The following CUL9 variants were observed in gnomAD, a reference collection of about 807,000 sequenced individuals.
The protein encoded by CUL9 is cullin 9.
CUL9 carries 79 observed loss-of-function variants against 272.6 expected under a neutral mutation model. The ratio of observed to expected loss-of-function variants is 0.29; its 90% CI spans 0.24 to 0.35. The LOEUF (loss-of-function observed/expected upper bound fraction) is 0.35. Ranked by LOEUF, CUL9 falls within the 10% of genes least tolerant of loss-of-function variation. The pLI is 1.00. For synonymous variants in CUL9, 1,186 were observed against 1,286.5 expected (o/e 0.92, Z 1.67); for missense variants, 2,532 against 3,255.6 (o/e 0.78, Z 5.41).
Position 43,187,342 on chromosome 6 carries a change from C to T in CUL9, c.1484C>T (p.Thr495Ile), listed in dbSNP as rs1773027916. Residue 495 changes from threonine to isoleucine, a missense_variant, in exon 6 of 41, where the codon ACC becomes ATC. Transcript: ENST00000252050. ...PQKNERVGYL[T>I]QAEWWELLFF... ...AAGAATGAGAGAGTGGGATATCTGA[C>T]CCAGGCTGAATGGTGGGAGCTGCTT... is the stretch of plus-strand genomic sequence containing the variant. The T allele has an allele frequency of 6.2e-7, 1 of 1,613,956 alleles. No homozygotes were observed. The highest frequency in any genetic ancestry group is 1.7e-5 in the Admixed American group (1 of 59,990).
chr6:43,200,745 G>A lies in CUL9; in HGVS notation c.3558G>A (p.Thr1186=), dbSNP rs779410353. 8 of 1,614,072 alleles carry A rather than the reference G, an allele frequency of 5.0e-6. No individual in the cohort carries two copies. Among genetic ancestry groups the A allele is most frequent in the East Asian group, 2.2e-5 (1 of 44,900 alleles). The change falls in exon 16 of 41, where the codon ACG becomes ACA. Residue 1186 remains threonine (T), a synonymous_variant. Transcript: ENST00000252050. The surrounding 1 kb of genome is among the most constrained non-coding windows in gnomAD (Gnocchi z 4.0). ...SSNPHRASKL[T]DHNPKTYWES... ...ACCCGCACCGAGCCAGCAAGCTGAC[G>A]GACCACAACCCCAAGACCTACTGGG... is the stretch of plus-strand genomic sequence containing the variant.
intron 16 of CUL9, 148 bp from the exon 17 acceptor site, chr6:43,202,568 G>A (rs1774690179): frequency 4.6e-6 from 3 of 646,874 alleles, no homozygotes; most frequent in Non-Finnish European, 8.3e-6. Flanking sequence ...TTATTTCGTA[G>A]AGGTGGGGTC....
intron 1 of CUL9, among the ~76,000 whole-genome samples, chr6:43,183,642 G>C (rs1425124693): frequency 1.3e-5 from 2 of 152,104 alleles, no homozygotes. Flanking sequence ...CTGTCACTCT[G>C]TTTATTGTTA....
In CUL9 at chr6:43,188,001, G is replaced by A. The variant is rs755530932; in HGVS notation, c.1870G>A (p.Glu624Lys). 1.1e-5 allele frequency: 17 copies of A among 1,613,686 alleles called. No homozygotes were observed. Among genetic ancestry groups the A allele is most frequent in the East Asian group, 2.2e-5 (1 of 44,892 alleles). Residue 624 changes from glutamate (E) to lysine (K), a missense_variant, in exon 7 of 41, where the codon GAG becomes AAG. Coordinates refer to ENST00000252050, the MANE Select transcript of CUL9 (RefSeq NM_015089.4). ...AKAEAPKTEAEPTKTRTETPM... is the reference protein window; with the variant it reads ...AKAEAPKTEAKPTKTRTETPM... ...GGCCGAGGCCCCTAAGACAGAGGCC[G>A]AGCCCACCAAGACAAGGACCGAGAC... is the stretch of plus-strand genomic sequence containing the variant.
Position 43,206,472 on chromosome 6 carries a change from G to T in CUL9, c.5174G>T (p.Cys1725Phe). 6.2e-7 allele frequency: 1 copy of T among 1,614,228 alleles called. No homozygotes were observed. Among genetic ancestry groups the T allele is most frequent in the Non-Finnish European group, 8.5e-7 (1 of 1,180,048 alleles). The change falls in exon 26 of 41, where the codon TGT becomes TTT. Residue 1725 changes from cysteine (C) to phenylalanine (F), a missense_variant. Around this residue, in one of 3 missense-constraint regions of CUL9, gnomAD observed 2,218 missense variants for 2,788.6 expected, o/e 0.80. Transcript: ENST00000252050. The surrounding 1 kb of genome is among the most constrained non-coding windows in gnomAD (Gnocchi z 4.8). ...HPRKCLPTEF[C>F]DALDRFSSFY... ...AGAAAGTGCCTTCCCACAGAATTCT[G>T]TGATGCCCTTGACCGTTTCTCCAGT...
At chr6:43,205,692 G>A (rs1300620449) in intron 24 of CUL9, among the ~76,000 whole-genome samples, 2 of 152,082 alleles carry the variant, frequency 1.3e-5, no homozygotes, top group Non-Finnish European at 2.9e-5. Flanking sequence ...GTGGTGGCGT[G>A]GTGGCAGGCA....
At chr6:43,195,708 C>T (rs1773935475) in intron 9 of CUL9, among the ~76,000 whole-genome samples, 1 of 152,126 alleles carries the variant, frequency 6.6e-6, no homozygotes, top group Admixed American at 6.5e-5. Context: ...CTGAAGACAA[C>T]TAGATGCTGC....
At chr6:43,182,856 A>T (rs910430102) in intron 1 of CUL9, among the ~76,000 whole-genome samples, 2 of 151,958 alleles carry the variant, frequency 1.3e-5, no homozygotes, top group African/African-American at 2.4e-5. Flanking sequence ...GCTTCATATC[A>T]CGCATATCTT....
intron 7 of CUL9, 93 bp downstream of exon 7, chr6:43,188,211 G>A (rs1261998955): frequency 6.8e-7 from 1 of 1,463,070 alleles, no homozygotes; most frequent in Admixed American, 2.1e-5. Flanking sequence ...AAGCCATGGA[G>A]GAAGGTGATT....
rs1369554847 is a variant in CUL9 at position 43,216,485 on chromosome 6, C to T, written c.6264C>T (p.Cys2088=). 6.3e-7 allele frequency: 1 copy of T among 1,596,716 alleles called. No homozygotes were observed. Among genetic ancestry groups the T allele is most frequent in the Non-Finnish European group, 8.6e-7 (1 of 1,166,618 alleles). Reference sequence around the variant, plus strand: ...ACGACGACCTGCCCTCTCTCTGCTGCATGCACTATTGCTGTAAGGTGAGGC... The same window carrying T: ...ACGACGACCTGCCCTCTCTCTGCTGTATGCACTATTGCTGTAAGGTGAGGC... ...GCDDDLPSLC[C]MHYCCKSCWN... The change falls in exon 31 of 41, where the codon TGC becomes TGT. Residue 2088 remains cysteine (C), a synonymous_variant. Transcript: ENST00000252050.
intron 8 of CUL9, among the ~76,000 whole-genome samples, chr6:43,192,331 A>G (rs1198270300): frequency 6.6e-6 from 1 of 152,112 alleles, no homozygotes; most frequent in African/African-American, 2.4e-5. Context: ...TACAGGCATG[A>G]GCTGCTGCAC....
Position 43,213,210 on chromosome 6 carries a change from C to T in CUL9, c.5274C>T (p.Gly1758=). Residue 1758 remains glycine, a synonymous_variant, in exon 27 of 41, where the codon GGC becomes GGT. Transcript: ENST00000252050. This position sits in a 1 kb window ranked among gnomAD's most constrained non-coding sequence, Gnocchi z 5.7. ...GGCGACTGCAGTGGACGTGGCTGGGCCGGGCTGAGCTGCAGTTTGGGAAGC... is the reference window on the plus strand; with the variant it reads ...GGCGACTGCAGTGGACGTGGCTGGGTCGGGCTGAGCTGCAGTTTGGGAAGC... The part of the protein sequence containing the change: ...PHRRLQWTWL[G]RAELQFGKQI... The T allele has an allele frequency of 1.9e-6, 3 of 1,614,154 alleles. No homozygotes were observed. The highest frequency in any genetic ancestry group is 2.5e-6 in the Non-Finnish European group (3 of 1,180,022).
At position 43,221,907 on chromosome 6, in the gene CUL9, G is replaced by A. The variant is rs45448395; in HGVS notation, c.6846+129G>A. The A allele has an allele frequency of 0.084, 66,967 of 801,242 alleles. 3,266 individuals carry two copies. Among genetic ancestry groups the A allele is most frequent in the Admixed American group, 0.098 (3,663 of 37,240 alleles). The allele number at this position is 801,242 out of a possible 1,614,324, so 49.6% of individuals were successfully genotyped here. On this transcript the variant is annotated intron_variant, in intron 35 of 40. Transcript: ENST00000252050. The surrounding 1 kb of genome is among the most constrained non-coding windows in gnomAD (Gnocchi z 4.2). ...CTAGCTGTTGGGATAGAGGCTCACT[G>A]TGGGGAAGACAGAGCCACCTGGGCC...
intron 11 of CUL9, among the ~76,000 whole-genome samples, chr6:43,197,209 G>A (rs1264418385): frequency 6.6e-6 from 1 of 152,016 alleles, no homozygotes; most frequent in Non-Finnish European, 1.5e-5. Context: ...ACCACAGCGG[G>A]CTAATTTTTG....
chr6:43,220,610 T>C lies in CUL9; in HGVS notation c.6423+11T>C, dbSNP rs1776277280. ...GAGGTCATCTCCAAGGTATCCCCTC[T>C]CGTCTGAGAGAGGCTCCAGTGCAGA... On this transcript the variant is annotated intron_variant, in intron 32 of 40. Transcript: ENST00000252050. This position sits in a 1 kb window ranked among gnomAD's most constrained non-coding sequence, Gnocchi z 4.9. 34 of 1,613,662 alleles carry C rather than the reference T, an allele frequency of 2.1e-5. No homozygotes were observed. The highest frequency in any genetic ancestry group is 2.9e-5 in the Non-Finnish European group (34 of 1,179,850).
Position 43,221,092 on chromosome 6 carries a change from C to T in CUL9, c.6589-66C>T, listed in dbSNP as rs114210279. 30,434 of 1,570,662 alleles carry T rather than the reference C, an allele frequency of 0.019. 348 individuals carry two copies. The highest frequency in any genetic ancestry group is 0.039 in the African/African-American group (2,927 of 74,168). ...GTGATCTGTGCCTGCTCCCCTCTCT[C>T]CTGTGCACACCAGCCATGCTGCCCT... On this transcript the variant is annotated intron_variant, in intron 33 of 40. Transcript: ENST00000252050. The surrounding 1 kb of genome is among the most constrained non-coding windows in gnomAD (Gnocchi z 4.2).
chr6:43,222,483 T>C (rs749242378), intron 36 of CUL9, 48 bp from the exon 37 acceptor site: 2 of 1,608,136 alleles, frequency 1.2e-6, no homozygotes, highest in South Asian at 1.1e-5. Context: ...ACCGGGCAGG[T>C]GGTGCTGCGC....
chr6:43,220,342 C>G lies in CUL9; in HGVS notation c.6283-117C>G. On this transcript the variant is annotated intron_variant, in intron 31 of 40. Transcript: ENST00000252050. This position sits in a 1 kb window ranked among gnomAD's most constrained non-coding sequence, Gnocchi z 4.9. The stretch of plus-strand genomic sequence containing the variant: ...GATCTAGAGGCAGGCTTGTTTCTGG[C>G]CTTCCACGTTGTAGTGGAGGGGAAG... 2 of 1,217,832 alleles carry G rather than the reference C, an allele frequency of 1.6e-6. No individual in the cohort carries two copies. The highest frequency in any genetic ancestry group is 2.3e-6 in the Non-Finnish European group (2 of 856,050). 75.4% of individuals were successfully genotyped at this position (1,217,832 alleles called of 1,614,324 possible). A position where few individuals can be genotyped will look rare whatever the true frequency, so the allele number is the denominator to read the frequency against.
At chr6:43,201,063 G>T (rs1299432293) in intron 16 of CUL9, among the ~76,000 whole-genome samples, 1 of 152,228 alleles carries the variant, frequency 6.6e-6, no homozygotes, top group Non-Finnish European at 1.5e-5. Flanking sequence ...ACTGCCCTGT[G>T]CTTAGTGTTG....
Sources: gnomAD v4.1 joint callset for allele counts (sites outside exome capture counted in the v4.1 genomes callset) on GRCh38, gnomAD v4.1.1 for gene constraint, gnomAD v4.1.1 regional missense constraint, Gnocchi (gnomAD v3.1) non-coding constraint, MANE v1.5 for transcripts, NCBI Gene and HGNC (gene_info 2026-07-23, HGNC 2026-07-21) for gene names.